TBCD: variants seen among roughly 807,000 people sequenced by gnomAD.
The protein encoded by TBCD is tubulin folding cofactor D.
Under a neutral mutation model 169.3 loss-of-function variants are expected in TBCD, and 105 were observed. The observed-to-expected ratio is 0.62, with a 90% CI of 0.53 to 0.73. TBCD has a LOEUF of 0.73. TBCD is among the 30% of genes least tolerant of loss of function. The pLI, the probability that TBCD is intolerant of heterozygous loss-of-function variation, is 0.00. For synonymous variants in TBCD, 700 were observed against 643.9 expected, an observed-to-expected ratio of 1.09 and a Z score of -1.32; for missense variants, 1,444 against 1,600.1, an observed-to-expected ratio of 0.90 and a Z score of 1.66.
intron 14 of TBCD, among the ~76,000 whole-genome samples, chr17:82,875,209 G>A (rs1468293107): frequency 1.3e-5 from 2 of 152,220 alleles, no homozygotes; most frequent in South Asian, 2.1e-4. Context: ...GTTGAAGGTA[G>A]CATTGGTTTT....
chr17:82,801,113 A>G lies in TBCD; in HGVS notation c.950+117A>G, dbSNP rs1598578635. On this transcript the variant is annotated intron_variant, in intron 9 of 38. Transcript: ENST00000355528. ...TGCTGTTGGGGCAGGTGCTGTGGGG[A>G]GGCAGTCGCCCTGTTGCGGGGTGGG... 7 of 282,586 alleles carry G rather than the reference A, an allele frequency of 2.5e-5. No homozygotes were observed. In the South Asian group the frequency reaches 6.8e-4, roughly 28 times the overall value. 17.5% of individuals were successfully genotyped at this position (282,586 alleles called of 1,614,324 possible).
rs1228197435 is a variant in TBCD at position 82,763,899 on chromosome 17, C to T, written c.236-66C>T. ...GGAAAACAGGCATGAGCCACCACACCTGGCCGGCCTCAATGTCATGTTGAT... is the reference window on the plus strand; with the variant it reads ...GGAAAACAGGCATGAGCCACCACACTTGGCCGGCCTCAATGTCATGTTGAT... On this transcript the variant is annotated intron_variant, in intron 2 of 38. Coordinates refer to ENST00000355528, the MANE Select transcript of TBCD (RefSeq NM_005993.5). 2.2e-6 allele frequency: 3 copies of T among 1,394,288 alleles called. No homozygotes were observed. In the South Asian group the frequency reaches 3.6e-5, roughly 17 times the overall value. The allele number at this position is 1,394,288 out of a possible 1,614,324, so 86.4% of individuals were successfully genotyped here.
At chr17:82,826,128 A>C (rs1392540552) in intron 13 of TBCD, among the ~76,000 whole-genome samples, 1 of 152,242 alleles carries the variant, frequency 6.6e-6, no homozygotes, top group African/African-American at 2.4e-5. Context: ...ATCTGCAACG[A>C]AAGAAAATAA....
At chr17:82,844,206 C>CGTGGGTGTGTGTGTGTGTGTGT (rs2054798457) in intron 13 of TBCD, among the ~76,000 whole-genome samples, 1 of 127,410 alleles carries the variant, frequency 7.8e-6, no homozygotes, top group South Asian at 2.9e-4. Context: ...GGATGTTCTC[C>CGTGGGTGTGTGTGTGTGTGTGT]GTGTGTGTGT....
chr17:82,865,341 G>A (rs548858278), intron 13 of TBCD: 7 of 524,660 alleles, frequency 1.3e-5, no homozygotes, highest in Non-Finnish European at 1.7e-5. Flanking sequence ...TCCTGCGCTC[G>A]GGCTCTGCAC....
chr17:82,930,470 G>A lies in TBCD; in HGVS notation c.2992-52G>A, dbSNP rs1252271022. 1.9e-6 allele frequency: 3 copies of A among 1,596,516 alleles called. No individual in the cohort carries two copies. The highest frequency in any genetic ancestry group is 2.6e-6 in the Non-Finnish European group (3 of 1,173,194). ...TTGACCGGCTGTAGCCAAGCCTGAGGGGTGGCAGGCTCGGGGGTCCCACTG... is the reference window on the plus strand; with the variant it reads ...TTGACCGGCTGTAGCCAAGCCTGAGAGGTGGCAGGCTCGGGGGTCCCACTG... On this transcript the variant is annotated intron_variant, in intron 32 of 38. Coordinates refer to ENST00000355528, the MANE Select transcript of TBCD (RefSeq NM_005993.5). This position sits in a 1 kb window ranked among gnomAD's most constrained non-coding sequence, Gnocchi z 5.2.
rs72854349 is a variant in TBCD, at chr17:82,775,504, T to C, written c.638+2997T>C. Among the ~76,000 whole-genome samples, 957 of 152,104 alleles carry C rather than the reference T, an allele frequency of 6.3e-3. 4 individuals are homozygous for C. The highest frequency in any genetic ancestry group is 1.0e-2 in the Non-Finnish European group (678 of 67,982). On this transcript the variant is annotated intron_variant, in intron 6 of 38. Transcript: ENST00000355528. ...GCATTTGTCTGCAGTACAGGTTCGTTTTCTGCTCTCCAGGGAGGAGCAGCC... is the reference window on the plus strand; with the variant it reads ...GCATTTGTCTGCAGTACAGGTTCGTCTTCTGCTCTCCAGGGAGGAGCAGCC...
At chr17:82,899,644 C>A (rs967738507) in intron 17 of TBCD, among the ~76,000 whole-genome samples, 2 of 152,236 alleles carry the variant, frequency 1.3e-5, no homozygotes, top group Non-Finnish European at 2.9e-5. Context: ...TGTGTATTTT[C>A]ATTTCTTTCA....
At chr17:82,777,937 G>A (rs1183865556) in intron 6 of TBCD, among the ~76,000 whole-genome samples, 1 of 152,230 alleles carries the variant, frequency 6.6e-6, no homozygotes, top group East Asian at 1.9e-4. Context: ...CTTGTCAACA[G>A]GCGTCTTCCC....
chr17:82,897,110 A>G (rs569580960), intron 17 of TBCD, among the ~76,000 whole-genome samples: 1 of 152,284 alleles, frequency 6.6e-6, no homozygotes, highest in East Asian at 1.9e-4. Context: ...AGAATTCTTC[A>G]TGAATTCTGC....
intron 17 of TBCD, 66 bp downstream of exon 17, chr17:82,893,698 C>CT: frequency 4.1e-6 from 5 of 1,209,004 alleles, no homozygotes; most frequent in Non-Finnish European, 5.8e-6. Flanking sequence ...CAGAAATCAG[C>CT]TACCACCATT....
At chr17:82,757,816 G>A (rs960625825) in intron 2 of TBCD, among the ~76,000 whole-genome samples, 1 of 152,094 alleles carries the variant, frequency 6.6e-6, no homozygotes, top group Non-Finnish European at 1.5e-5. Context: ...GCTGGATGGC[G>A]TGGCAGGCAG....
chr17:82,831,838 G>A lies in TBCD; in HGVS notation c.1318+16904G>A. The A allele has an allele frequency of 1.2e-6, 2 of 1,614,226 alleles. No individual in the cohort carries two copies. The highest frequency in any genetic ancestry group is 1.7e-6 in the Non-Finnish European group (2 of 1,180,042). ...AAGGAAAGGTGAGCCGGCTTTCCAG[G>A]GGTAGCCAGGAGTGTGGAAGGCCGA... On this transcript the variant is annotated intron_variant, in intron 13 of 38. Coordinates refer to ENST00000355528, the MANE Select transcript of TBCD (RefSeq NM_005993.5). The surrounding 1 kb of genome is among the most constrained non-coding windows in gnomAD (Gnocchi z 4.6).
intron 13 of TBCD, chr17:82,858,661 G>C: frequency 1.0e-6 from 1 of 985,404 alleles, no homozygotes; most frequent in Non-Finnish European, 1.2e-6. Context: ...TTTTGAATGT[G>C]CCTGAGGTGA....
intron 22 of TBCD, 27 bp downstream of exon 22, chr17:82,909,334 A>G (rs763960461): frequency 3.3e-6 from 5 of 1,516,722 alleles, no homozygotes; most frequent in Middle Eastern, 1.7e-4. Flanking sequence ...CAAAGTTCTT[A>G]TATCTGTGTC....
At chr17:82,878,515 G>A (rs182853739) in intron 14 of TBCD, among the ~76,000 whole-genome samples, 3 of 24,426 alleles carry the variant, frequency 1.2e-4, no homozygotes, top group East Asian at 2.3e-3. Flanking sequence ...ATGCTTTCTC[G>A]TGTGTTACTG....
intron 7 of TBCD, among the ~76,000 whole-genome samples, chr17:82,794,360 C>T (rs1320815770): frequency 1.3e-5 from 2 of 152,212 alleles, no homozygotes; most frequent in African/African-American, 4.8e-5. Flanking sequence ...CTTTTGTTTG[C>T]AGCTTGTGCT....
intron 6 of TBCD, among the ~76,000 whole-genome samples, chr17:82,775,048 G>A (rs2048502503): frequency 1.3e-5 from 2 of 152,236 alleles, no homozygotes. Context: ...GTGCCTGTGG[G>A]CCAGGAGGCA....
rs771304008 is a variant in TBCD, at chr17:82,805,882, C to A, written c.958C>A (p.Arg320Ser). 1 of 1,608,524 alleles carries A rather than the reference C, an allele frequency of 6.2e-7. No individual in the cohort carries two copies. Among genetic ancestry groups the A allele is most frequent in the Non-Finnish European group, 8.5e-7 (1 of 1,175,398 alleles). Residue 320 changes from arginine (R) to serine (S), a missense_variant, in exon 10 of 39, where the codon CGT (arginine) becomes AGT (serine). Coordinates refer to ENST00000355528, the MANE Select transcript of TBCD (RefSeq NM_005993.5). ...KPKVAAWRYQ[R>S]GCRSLAANLQ... ...ATGCTTTGCTTTGCACAGGTACCAG[C>A]GTGGCTGCCGATCTTTGGCTGCAAA...
Sources: gnomAD v4.1 joint callset for allele counts (sites outside exome capture counted in the v4.1 genomes callset) on GRCh38, gnomAD v4.1.1 for gene constraint, Gnocchi (gnomAD v3.1) non-coding constraint, MANE v1.5 for transcripts, NCBI Gene and HGNC (gene_info 2026-07-23, HGNC 2026-07-21) for gene names.